ALPK2: variants seen among roughly 807,000 people sequenced by gnomAD.
The protein encoded by ALPK2 is alpha kinase 2, also known as alpha-protein kinase 2.
Under a neutral mutation model 163.1 loss-of-function variants are expected in ALPK2, and 127 were observed. The ratio of observed to expected loss-of-function variants is 0.78; its 90% CI spans 0.67 to 0.90. The LOEUF is 0.90. Ranked by LOEUF, ALPK2 falls within the 40% of genes least tolerant of loss-of-function variation. ALPK2 has a pLI of 0.00. For missense variants in ALPK2, 2,360 were observed against 2,589.6 expected, an observed-to-expected ratio of 0.91 and a Z score of 1.92; for synonymous variants, 953 against 959.1, an observed-to-expected ratio of 0.99 and a Z score of 0.12.
chr18:58,496,200 C>T (rs1324326682), intron 12 of ALPK2, among the ~76,000 whole-genome samples: 1 of 152,150 alleles, frequency 6.6e-6, no homozygotes, highest in Non-Finnish European at 1.5e-5. Flanking sequence ...AGAAGCGAGG[C>T]TACTATCAGG....
intron 3 of ALPK2, among the ~76,000 whole-genome samples, chr18:58,596,466 G>A (rs2052041785): frequency 2.0e-5 from 3 of 152,170 alleles, no homozygotes; most frequent in Non-Finnish European, 2.9e-5. Flanking sequence ...TCCAACAGGA[G>A]AAGAATCTCC....
In ALPK2 at chr18:58,580,256, G is replaced by A; in HGVS notation, c.520C>T (p.Leu174Phe). The change falls in exon 4 of 13, where the codon CTC (leucine) becomes TTC (phenylalanine). Residue 174 changes from leucine (L) to phenylalanine (F), a missense_variant. Physicochemically the swap from Leu to Phe is conservative, Grantham distance 22. Coordinates refer to ENST00000361673, the MANE Select transcript of ALPK2 (RefSeq NM_052947.4). Reference sequence around the variant, plus strand: ...ATGTCAAGATTGCCCAATGACTGGAGGGAGAGTGAATGGTTGGATTTGGAG... The same window carrying A: ...ATGTCAAGATTGCCCAATGACTGGAAGGAGAGTGAATGGTTGGATTTGGAG... ...SPSKSNHSLSLQSLGNLDISV... is the reference protein window; with the variant it reads ...SPSKSNHSLSFQSLGNLDISV... 3.7e-6 allele frequency: 6 copies of A among 1,614,222 alleles called. No individual in the cohort carries two copies. The highest frequency in any genetic ancestry group is 5.1e-6 in the Non-Finnish European group (6 of 1,180,034).
chr18:58,524,901 G>A (rs1167810155), intron 6 of ALPK2, among the ~76,000 whole-genome samples: 1 of 147,122 alleles, frequency 6.8e-6, no homozygotes, highest in African/African-American at 2.5e-5. Flanking sequence ...GAAACATAGG[G>A]AGAGCCACAT....
At chr18:58,517,283 C>T in intron 8 of ALPK2, 101 bp from the exon 9 acceptor site, 1 of 1,273,542 alleles carries the variant, frequency 7.9e-7, no homozygotes, top group Non-Finnish European at 1.1e-6. Flanking sequence ...AATGACAAGG[C>T]TGACCTGCAG....
intron 11 of ALPK2, among the ~76,000 whole-genome samples, chr18:58,502,538 C>A (rs1420779943): frequency 6.6e-6 from 1 of 152,192 alleles, no homozygotes; most frequent in African/African-American, 2.4e-5. Flanking sequence ...GGGAACAGAA[C>A]CCCAAGGTGG....
chr18:58,626,944 A>G (rs1190052438), intron 1 of ALPK2, among the ~76,000 whole-genome samples: 1 of 152,088 alleles, frequency 6.6e-6, no homozygotes. Context: ...TTGAGAAACT[A>G]TGATTCGACA....
intron 9 of ALPK2, among the ~76,000 whole-genome samples, chr18:58,516,553 C>CCTGG: frequency 6.6e-6 from 1 of 152,282 alleles, no homozygotes; most frequent in African/African-American, 2.4e-5. Context: ...TCCTGGAGAC[C>CCTGG]CTGGCATCTA....
At chr18:58,573,192 G>A (rs1209691655) in intron 4 of ALPK2, among the ~76,000 whole-genome samples, 1 of 95,390 alleles carries the variant, frequency 1.0e-5, no homozygotes, top group Non-Finnish European at 2.2e-5. Flanking sequence ...ATATGTATAT[G>A]TGTATATATA....
intron 12 of ALPK2, among the ~76,000 whole-genome samples, chr18:58,482,589 C>T (rs2051317209): frequency 6.6e-6 from 1 of 152,156 alleles, no homozygotes; most frequent in Non-Finnish European, 1.5e-5. Context: ...GAGTCTTTCT[C>T]CTACAGCAGA....
intron 4 of ALPK2, chr18:58,578,111 T>C (rs1166973226): frequency 5.9e-5 from 9 of 152,356 alleles, no homozygotes; most frequent in African/African-American, 1.9e-4. Context: ...TTTAATTCCA[T>C]CTCTTTACAC....
chr18:58,543,769 C>T (rs919835394), intron 4 of ALPK2, among the ~76,000 whole-genome samples: 1 of 152,178 alleles, frequency 6.6e-6, no homozygotes, highest in Non-Finnish European at 1.5e-5. Flanking sequence ...CACATGAGGT[C>T]AATGATGTTT....
At chr18:58,522,587 C>T (rs2051560888) in intron 8 of ALPK2, among the ~76,000 whole-genome samples, 1 of 152,174 alleles carries the variant, frequency 6.6e-6, no homozygotes, top group South Asian at 2.1e-4. Context: ...TTCCTTAAGA[C>T]ACAAACGAAT....
intron 3 of ALPK2, among the ~76,000 whole-genome samples, chr18:58,589,249 A>G (rs906519649): frequency 1.3e-5 from 2 of 152,202 alleles, no homozygotes; most frequent in Non-Finnish European, 2.9e-5. Context: ...GCAAAGGGGA[A>G]AGAAGACCTA....
chr18:58,558,742 G>T (rs938724349), intron 4 of ALPK2, among the ~76,000 whole-genome samples: 29 of 152,196 alleles, frequency 1.9e-4, no homozygotes, highest in African/African-American at 7.0e-4. Flanking sequence ...ATATTATCTG[G>T]CCATAAAAAG....
intron 3 of ALPK2, among the ~76,000 whole-genome samples, chr18:58,598,473 G>A (rs903850993): frequency 5.9e-5 from 9 of 152,212 alleles, no homozygotes; most frequent in African/African-American, 2.2e-4. Context: ...GAGGCTCCCA[G>A]GCAGGACCTG....
At chr18:58,514,543 A>G (rs1442903467) in intron 10 of ALPK2, among the ~76,000 whole-genome samples, 1 of 152,144 alleles carries the variant, frequency 6.6e-6, no homozygotes, top group African/African-American at 2.4e-5. Flanking sequence ...CTATGTTACT[A>G]TGTTTCTGAT....
At chr18:58,515,203 C>G in intron 9 of ALPK2, 122 bp from the exon 10 acceptor site, 2 of 692,670 alleles carry the variant, frequency 2.9e-6, no homozygotes, top group South Asian at 2.4e-5. Flanking sequence ...AAGCCCATCC[C>G]CTGGTTGGGG....
Position 58,579,863 on chromosome 18 carries a change from CAG to C in ALPK2, c.911_912del (p.Ser304Ter). The C allele has an allele frequency of 6.2e-7, 1 of 1,614,188 alleles. No homozygotes were observed. Among genetic ancestry groups the C allele is most frequent in the East Asian group, 2.2e-5 (1 of 44,874 alleles). On this transcript the variant is annotated frameshift_variant, in exon 4 of 13. Coordinates refer to ENST00000361673, the MANE Select transcript of ALPK2 (RefSeq NM_052947.4). LOFTEE classifies it high-confidence loss of function. ...TCTGGGCAAAGTTCATAGTCACTGT[CAG>C]AGTCTTCACTGGAAAGCTGTGGGCT... is the stretch of plus-strand genomic sequence containing the variant. ...QPSPQLSSED[S>X]DSDYELCPEI...
At chr18:58,527,563 A>G (rs181091927) in intron 6 of ALPK2, among the ~76,000 whole-genome samples, 3 of 152,370 alleles carry the variant, frequency 2.0e-5, no homozygotes, top group African/African-American at 7.2e-5. Flanking sequence ...TCAAGTGGTA[A>G]TTCTGAGCTC....
Sources: gnomAD v4.1 joint callset for allele counts (sites outside exome capture counted in the v4.1 genomes callset) on GRCh38, gnomAD v4.1.1 for gene constraint, MANE v1.5 for transcripts, NCBI Gene and HGNC (gene_info 2026-07-23, HGNC 2026-07-21) for gene names.